Variants in NFIX observed in about 807,000 individuals in gnomAD.
The protein encoded by NFIX is nuclear factor I X, also known as nuclear factor 1 X-type.
NFIX carries 2 observed loss-of-function variants against 53.3 expected under a neutral mutation model. The ratio of observed to expected loss-of-function variants is 0.04; its 90% CI spans 0.02 to 0.12. NFIX has a LOEUF of 0.12. Ranked by LOEUF, NFIX falls within the 10% of genes least tolerant of loss-of-function variation. The pLI, the probability that NFIX is intolerant of heterozygous loss-of-function variation, is 1.00. For synonymous variants in NFIX, 244 were observed against 289.0 expected (o/e 0.84, Z 1.58); for missense variants, 310 against 674.5 (o/e 0.46, Z 5.99).
rs1444500106 is a variant in NFIX, at chr19:13,045,593, G to A, written c.559+20041G>A. On this transcript the variant is annotated intron_variant, in intron 2 of 10. Transcript: ENST00000592199. The surrounding 1 kb of genome is among the most constrained non-coding windows in gnomAD (Gnocchi z 4.4). ...AGGGCTCTAAGAACTCCCTGATGCT[G>A]AGTCTGGAGACCTTGGCCCACGGTG... Among the ~76,000 whole-genome samples the A allele has an allele frequency of 6.6e-6, 1 of 152,178 alleles. No individual in the cohort carries two copies. The highest frequency in any genetic ancestry group is 1.9e-4 in the East Asian group (1 of 5,186).
intron 8 of NFIX, among the ~76,000 whole-genome samples, chr19:13,083,388 G>A (rs528400311): frequency 1.1e-4 from 17 of 152,260 alleles, no homozygotes; most frequent in Middle Eastern, 3.4e-3. Context: ...CCTAGAGACC[G>A]GCCAAGGTTA....
Position 13,025,666 on chromosome 19 carries a change from A to T in NFIX, c.559+114A>T. 8.0e-7 allele frequency: 1 copy of T among 1,248,254 alleles called. No homozygotes were observed. The highest frequency in any genetic ancestry group is 1.5e-5 in the South Asian group (1 of 68,142). 77.3% of individuals were successfully genotyped at this position (1,248,254 alleles called of 1,614,324 possible). A position where few individuals can be genotyped will look rare whatever the true frequency, so the allele number is the denominator to read the frequency against. On this transcript the variant is annotated intron_variant, in intron 2 of 10. Coordinates refer to ENST00000592199, the MANE Select transcript of NFIX (RefSeq NM_001365902.3). This position sits in a 1 kb window ranked among gnomAD's most constrained non-coding sequence, Gnocchi z 7.5. ...AACTCGCCATGGGCCTAACTGGTGT[A>T]TGCCCGTCCTGCGGGGCCTGCAACA...
Position 13,013,852 on chromosome 19 carries a change from C to A in NFIX, c.28-11169C>A, listed in dbSNP as rs1167328251. 6.6e-6 allele frequency: 1 copy of A among 152,084 alleles called. No homozygotes were observed. The highest frequency in any genetic ancestry group is 1.5e-5 in the Non-Finnish European group (1 of 68,022). The allele number at this position is 152,084 out of a possible 1,614,324, so 9.4% of individuals were successfully genotyped here. ...CTCTAGTAGACCCTGGCGTGGGGCA[C>A]CTGAGATCTCCGCCACTGAAAAGGC... On this transcript the variant is annotated intron_variant, in intron 1 of 10. Transcript: ENST00000592199. The surrounding 1 kb of genome is among the most constrained non-coding windows in gnomAD (Gnocchi z 5.9).
At chr19:13,023,058 C>CCTTCTCT (rs2013033232) in intron 1 of NFIX, among the ~76,000 whole-genome samples, 1 of 136,200 alleles carries the variant, frequency 7.3e-6, no homozygotes, top group African/African-American at 2.8e-5. Flanking sequence ...ATAGGTGGAT[C>CCTTCTCT]CTTCTCTCTC....
intron 1 of NFIX, among the ~76,000 whole-genome samples, chr19:12,997,183 C>G (rs769485971): frequency 1.3e-5 from 2 of 152,220 alleles, no homozygotes; most frequent in African/African-American, 4.8e-5. Flanking sequence ...TGGGTCCTAC[C>G]GGGAGTGTGC....
In NFIX at chr19:13,096,850, G is replaced by A. The variant is rs1309121124; in HGVS notation, c.*2201G>A. On this transcript the variant is annotated 3_prime_UTR_variant, in exon 11 of 11. Transcript: ENST00000592199. ...GGGCCCGGGCCGGAGCGTGCCCGGC[G>A]GGGCTGCCCGGGCGGGCAGGGGGTG... 1 of 151,568 alleles carries A rather than the reference G, an allele frequency of 6.6e-6. No homozygotes were observed. The highest frequency in any genetic ancestry group is 2.4e-5 in the African/African-American group (1 of 41,312). 9.4% of individuals were successfully genotyped at this position (151,568 alleles called of 1,614,324 possible).
intron 1 of NFIX, among the ~76,000 whole-genome samples, chr19:13,018,679 G>A (rs1184853880): frequency 6.6e-6 from 1 of 152,208 alleles, no homozygotes. Context: ...AGGATAAGCA[G>A]CAGGGCCCCT....
chr19:13,027,182 C>CA lies in NFIX; in HGVS notation c.559+1632dup, dbSNP rs2013433162. Among the ~76,000 whole-genome samples the CA allele has an allele frequency of 6.6e-6, 1 of 152,188 alleles. No individual in the cohort carries two copies. The highest frequency in any genetic ancestry group is 6.5e-5 in the Admixed American group (1 of 15,282). ...AGCAGGGGACACCACTCTCACCCCC[C>CA]AAGTCTCTACCTACTTCTGTGGATC... On this transcript the variant is annotated intron_variant, in intron 2 of 10. Transcript: ENST00000592199. The surrounding 1 kb of genome is among the most constrained non-coding windows in gnomAD (Gnocchi z 4.3).
rs561690626 is a variant in NFIX at position 13,051,264 on chromosome 19, T to C, written c.560-21783T>C. ...CTAAATGAGTCACTCAGCTCTGGCT[T>C]TGCCAGGTGGCCCAGGGTAGGGGGA... On this transcript the variant is annotated intron_variant, in intron 2 of 10. Coordinates refer to ENST00000592199, the MANE Select transcript of NFIX (RefSeq NM_001365902.3). The surrounding 1 kb of genome is among the most constrained non-coding windows in gnomAD (Gnocchi z 5.1). 4.3e-4 allele frequency among the ~76,000 whole-genome samples: 66 copies of C among 152,134 alleles called. No homozygotes were observed. The highest frequency in any genetic ancestry group is 8.7e-4 in the Non-Finnish European group (59 of 68,016).
In NFIX at chr19:13,078,882, G is replaced by C; in HGVS notation, c.1078+147G>C. On this transcript the variant is annotated intron_variant, in intron 7 of 10. Coordinates refer to ENST00000592199, the MANE Select transcript of NFIX (RefSeq NM_001365902.3). The surrounding 1 kb of genome is among the most constrained non-coding windows in gnomAD (Gnocchi z 4.7). The stretch of plus-strand genomic sequence containing the variant: ...CCAAGGTGCAGCAGCGGGTGGGCAT[G>C]GGAGCCGGCCCCTGCTTCACGTAGC... 1 of 993,840 alleles carries C rather than the reference G, an allele frequency of 1.0e-6. No individual in the cohort carries two copies. Among genetic ancestry groups the C allele is most frequent in the East Asian group, 2.7e-5 (1 of 37,412 alleles). The allele number at this position is 993,840 out of a possible 1,614,324, so 61.6% of individuals were successfully genotyped here.
chr19:13,016,819 C>T (rs563325483), intron 1 of NFIX, among the ~76,000 whole-genome samples: 1 of 152,288 alleles, frequency 6.6e-6, no homozygotes, highest in East Asian at 1.9e-4. Context: ...CGCTCGGCAG[C>T]CCTTGCCGGG....
Position 13,036,024 on chromosome 19 carries a change from G to T in NFIX, c.559+10472G>T, listed in dbSNP as rs946113063. Reference sequence around the variant, plus strand: ...TGAGTGGTTAGGATCCCACTCTGGGGGATTCCTGCTGGTGGTATAACCCCG... The same window carrying T: ...TGAGTGGTTAGGATCCCACTCTGGGTGATTCCTGCTGGTGGTATAACCCCG... On this transcript the variant is annotated intron_variant, in intron 2 of 10. Coordinates refer to ENST00000592199, the MANE Select transcript of NFIX (RefSeq NM_001365902.3). This position sits in a 1 kb window ranked among gnomAD's most constrained non-coding sequence, Gnocchi z 4.7. Among the ~76,000 whole-genome samples the T allele has an allele frequency of 1.3e-5, 2 of 152,202 alleles. No homozygotes were observed. Among genetic ancestry groups the T allele is most frequent in the Non-Finnish European group, 2.9e-5 (2 of 68,040 alleles).
intron 8 of NFIX, among the ~76,000 whole-genome samples, chr19:13,086,462 T>C (rs969764167): frequency 6.6e-6 from 1 of 152,184 alleles, no homozygotes; most frequent in African/African-American, 2.4e-5. Context: ...GAGCCTCAGT[T>C]TCCTCAGTTG....
rs541010154 is a variant in NFIX, at chr19:13,040,661, C to T, written c.559+15109C>T. ...CTCTCGGGTCAGAGATGACTGCCGT[C>T]CTCCAGCTGGTACATGTGCTTGCGG... On this transcript the variant is annotated intron_variant, in intron 2 of 10. Coordinates refer to ENST00000592199, the MANE Select transcript of NFIX (RefSeq NM_001365902.3). This position sits in a 1 kb window ranked among gnomAD's most constrained non-coding sequence, Gnocchi z 4.2. 6.6e-6 allele frequency among the ~76,000 whole-genome samples: 1 copy of T among 152,306 alleles called. No homozygotes were observed. Among genetic ancestry groups the T allele is most frequent in the East Asian group, 1.9e-4 (1 of 5,186 alleles).
chr19:13,027,879 G>A lies in NFIX; in HGVS notation c.559+2327G>A, dbSNP rs2013493655. On this transcript the variant is annotated intron_variant, in intron 2 of 10. Transcript: ENST00000592199. The surrounding 1 kb of genome is among the most constrained non-coding windows in gnomAD (Gnocchi z 4.3). ...AAAAGCAGAGTAGGGAACTAAGGGT[G>A]TATTTTATATCATTCAGGCCCCAGA... Among the ~76,000 whole-genome samples the A allele has an allele frequency of 6.6e-6, 1 of 152,242 alleles. No homozygotes were observed. Among genetic ancestry groups the A allele is most frequent in the Non-Finnish European group, 1.5e-5 (1 of 68,044 alleles).
intron 10 of NFIX, among the ~76,000 whole-genome samples, chr19:13,091,493 AC>A (rs1037730893): frequency 6.0e-5 from 9 of 149,898 alleles, no homozygotes; most frequent in Non-Finnish European, 1.2e-4. Context: ...GAGAACTTCA[AC>A]CCCCTCCAGC....
Position 13,024,521 on chromosome 19 carries a change from G to C in NFIX, c.28-500G>C, listed in dbSNP as rs1254912512. 5 of 1,520,032 alleles carry C rather than the reference G, an allele frequency of 3.3e-6. No individual in the cohort carries two copies. In the African/African-American group the frequency reaches 6.9e-5, roughly 21 times the overall value. The allele number at this position is 1,520,032 out of a possible 1,614,324, so 94.2% of individuals were successfully genotyped here. On this transcript the variant is annotated intron_variant, in intron 1 of 10. Transcript: ENST00000592199. The stretch of plus-strand genomic sequence containing the variant: ...CTTGGGGGCGGCCAAAAATCGACCG[G>C]TGTCGGGGACCAGAGGCGGCCCCGC...
intron 1 of NFIX, among the ~76,000 whole-genome samples, chr19:13,017,909 G>T (rs2012753389): frequency 6.6e-6 from 1 of 152,212 alleles, no homozygotes; most frequent in South Asian, 2.1e-4. Context: ...AAGCCGGTTA[G>T]GTGTGTGAGG....
intron 2 of NFIX, among the ~76,000 whole-genome samples, chr19:13,044,021 A>G (rs1436706361): frequency 1.3e-5 from 2 of 152,124 alleles, no homozygotes; most frequent in African/African-American, 2.4e-5. Flanking sequence ...TCTACATCCT[A>G]TTCGGCCCAT....
Sources: allele counts gnomAD v4.1 joint callset (sites outside exome capture counted in the v4.1 genomes callset), GRCh38; gene constraint gnomAD v4.1.1; non-coding constraint Gnocchi (gnomAD v3.1); transcripts MANE v1.5; gene names NCBI Gene and HGNC (gene_info 2026-07-23, HGNC 2026-07-21).